Variants in CCDC7 observed in about 807,000 individuals in gnomAD.
CCDC7 encodes the protein coiled-coil domain containing 7.
A neutral mutation model predicts 196.9 loss-of-function variants in CCDC7; 183 were observed. That is an observed-to-expected ratio of 0.93 (90% confidence interval 0.82 to 1.05). CCDC7 has a LOEUF of 1.05. Ranked by LOEUF, CCDC7 falls within the 50% of genes least tolerant of loss-of-function variation. CCDC7 has a pLI of 0.00. For synonymous variants in CCDC7, 525 were observed against 484.6 expected (o/e 1.08, Z -1.10); for missense variants, 1,540 against 1,482.2 (o/e 1.04, Z -0.64).
exon 34 of CCDC7, chr10:32,845,285 T>A: frequency 6.3e-7 from 1 of 1,576,626 alleles, no homozygotes. Flanking sequence ...GGAAGAGGTA[T>A]AATAAAGGGA....
chr10:32,512,553 A>G (rs1272560211), intron 9 of CCDC7: 1 of 152,228 alleles, frequency 6.6e-6, no homozygotes, highest in Non-Finnish European at 1.5e-5. Flanking sequence ...TTCTGAATTC[A>G]CATCATTTAA....
In CCDC7 at chr10:32,708,101, A is replaced by G. The variant is rs1378018904; in HGVS notation, c.2459-3519A>G. Among the ~76,000 whole-genome samples, 3 of 152,304 alleles carry G rather than the reference A, an allele frequency of 2.0e-5. No individual in the cohort carries two copies. In the East Asian group the frequency reaches 5.8e-4, roughly 29 times the overall value. ...ACAAGGCTACAGTAACCAAAAGAGC[A>G]TAGTACTGGTACCAAAACAGAGATA... is the stretch of plus-strand genomic sequence containing the variant. On this transcript the variant is annotated intron_variant, in intron 24 of 41. Coordinates refer to ENST00000639629, the Ensembl canonical transcript of CCDC7.
In CCDC7 at chr10:32,749,970, G is replaced by A. The variant is rs2075407260; in HGVS notation, c.2905+20513G>A. On this transcript the variant is annotated intron_variant, in intron 28 of 41. Coordinates refer to ENST00000639629, the Ensembl canonical transcript of CCDC7. ...GTGGCAATAGTTATATTGATTTTAA[G>A]ATAACAGTTTTCTTGTTTCCTCTTA... 2.0e-5 allele frequency among the ~76,000 whole-genome samples: 3 copies of A among 152,082 alleles called. No individual in the cohort carries two copies. In the South Asian group the frequency reaches 6.2e-4, roughly 32 times the overall value.
At chr10:32,511,254 T>TGGGGGGTGGG (rs1167793491) in intron 9 of CCDC7, 1 of 593,318 alleles carries the variant, frequency 1.7e-6, no homozygotes, top group African/African-American at 5.5e-5. Context: ...AATTATTCTG[T>TGGGGGGTGGG]GGGGGGCGGG....
chr10:32,527,422 G>T (rs61856036), intron 11 of CCDC7, among the ~76,000 whole-genome samples: 8,265 of 152,246 alleles, frequency 0.054, 323 homozygotes, highest in Non-Finnish European at 0.086. Context: ...GCTTTCCTGT[G>T]TGTAGATAGT....
chr10:32,602,587 T>TTTTA (rs1283823945), intron 18 of CCDC7, among the ~76,000 whole-genome samples: 1 of 152,166 alleles, frequency 6.6e-6, no homozygotes, highest in Non-Finnish European at 1.5e-5. Flanking sequence ...CTATGCTTAA[T>TTTTA]TTTATTTATT....
intron 21 of CCDC7, among the ~76,000 whole-genome samples, chr10:32,680,241 C>T (rs2075662233): frequency 6.6e-6 from 1 of 152,114 alleles, no homozygotes; most frequent in African/African-American, 2.4e-5. Flanking sequence ...TTCCTGTGCC[C>T]TGCTGAAATG....
intron 18 of CCDC7, among the ~76,000 whole-genome samples, chr10:32,616,916 A>T (rs2062837762): frequency 6.6e-6 from 1 of 151,786 alleles, no homozygotes; most frequent in South Asian, 2.1e-4. Flanking sequence ...TGAAATGATT[A>T]TGTGGTTTTT....
At chr10:32,637,840 T>C (rs1435156171) in intron 20 of CCDC7, among the ~76,000 whole-genome samples, 1 of 152,256 alleles carries the variant, frequency 6.6e-6, no homozygotes, top group African/African-American at 2.4e-5. Flanking sequence ...ATTTTCACGA[T>C]ATTGATTCTT....
intron 18 of CCDC7, among the ~76,000 whole-genome samples, chr10:32,613,004 G>A (rs1817634821): frequency 6.6e-6 from 1 of 152,000 alleles, no homozygotes; most frequent in Admixed American, 6.6e-5. Context: ...AATGGTACTA[G>A]CTCCTCTTTG....
rs558787323 is a variant in CCDC7, at chr10:32,719,820, T to C, written c.2570-6914T>C. Among the ~76,000 whole-genome samples, 5 of 152,324 alleles carry C rather than the reference T, an allele frequency of 3.3e-5. No individual in the cohort carries two copies. The South Asian group carries it at 1.0e-3, about 32-fold the overall frequency. On this transcript the variant is annotated intron_variant, in intron 25 of 41. Coordinates refer to ENST00000639629, the Ensembl canonical transcript of CCDC7. ...AATGCAATTCAAAACCACAATGAGA[T>C]ACCATCTCACATCAATTAGAATGGT... is the stretch of plus-strand genomic sequence containing the variant.
chr10:32,696,453 C>T (rs1412465496), intron 24 of CCDC7, among the ~76,000 whole-genome samples: 2 of 151,692 alleles, frequency 1.3e-5, no homozygotes, highest in East Asian at 1.9e-4. Context: ...GACATAGGGA[C>T]ATTGGCCATG....
intron 11 of CCDC7, among the ~76,000 whole-genome samples, chr10:32,521,051 G>T (rs545709437): frequency 1.8e-4 from 27 of 151,878 alleles, no homozygotes; most frequent in African/African-American, 6.3e-4. Context: ...ATTTTTTCTG[G>T]GTTCTCTTCT....
At chr10:32,678,913 T>G (rs150394577) in intron 21 of CCDC7, among the ~76,000 whole-genome samples, 206 of 152,320 alleles carry the variant, frequency 1.4e-3, no homozygotes, top group African/African-American at 4.8e-3. Flanking sequence ...CTTGTCTGGT[T>G]GTTAAGTCTT....
chr10:32,473,374 A>C (rs561645619), intron 7 of CCDC7, among the ~76,000 whole-genome samples: 1 of 152,354 alleles, frequency 6.6e-6, no homozygotes, highest in Admixed American at 6.5e-5. Context: ...TTGGTATTAG[A>C]GTAAGAAGCA....
chr10:32,520,770 G>A (rs779569791), intron 11 of CCDC7, among the ~76,000 whole-genome samples: 1 of 151,972 alleles, frequency 6.6e-6, no homozygotes, highest in Non-Finnish European at 1.5e-5. Flanking sequence ...CTATACTTGT[G>A]GAGTATTACT....
At chr10:32,528,903 G>A (rs932569088) in intron 11 of CCDC7, among the ~76,000 whole-genome samples, 14 of 151,724 alleles carry the variant, frequency 9.2e-5, no homozygotes, top group African/African-American at 2.9e-4. Flanking sequence ...CATGCATTTG[G>A]AAATATCTTT....
chr10:32,694,379 T>C (rs1182043668), intron 23 of CCDC7, among the ~76,000 whole-genome samples: 2 of 152,254 alleles, frequency 1.3e-5, no homozygotes, highest in Non-Finnish European at 2.9e-5. Context: ...CTCTTGTTTA[T>C]GTCAATTTGC....
At chr10:32,858,818 A>G (rs2093860378) in intron 41 of CCDC7, among the ~76,000 whole-genome samples, 1 of 152,156 alleles carries the variant, frequency 6.6e-6, no homozygotes, top group Admixed American at 6.6e-5. Flanking sequence ...ATCAAAAGAG[A>G]CAAGGGCATT....
Sources: gnomAD v4.1 joint callset for allele counts (sites outside exome capture counted in the v4.1 genomes callset) on GRCh38, gnomAD v4.1.1 for gene constraint, MANE v1.5 for transcripts, NCBI Gene and HGNC (gene_info 2026-07-23, HGNC 2026-07-21) for gene names.